Variants in ANKRD17 observed in about 807,000 individuals in gnomAD.
ANKRD17 encodes the protein ankyrin repeat domain 17.
A neutral mutation model predicts 229.7 loss-of-function variants in ANKRD17; 19 were observed. The observed-to-expected ratio is 0.08, with a 90% CI of 0.06 to 0.12. ANKRD17 has a LOEUF of 0.12. ANKRD17 is among the 10% of genes least tolerant of loss of function. ANKRD17 has a pLI of 1.00. For synonymous variants in ANKRD17, 1,112 were observed against 1,146.1 expected, an observed-to-expected ratio of 0.97 and a Z score of 0.60; for missense variants, 2,176 against 3,176.8, an observed-to-expected ratio of 0.68 and a Z score of 7.57.
At chr4:73,140,686 C>T (rs1173419257) in intron 14 of ANKRD17, among the ~76,000 whole-genome samples, 1 of 152,072 alleles carries the variant, frequency 6.6e-6, no homozygotes, top group Non-Finnish European at 1.5e-5. Context: ...GGAAACAGAC[C>T]TCTAAGTCAG....
At chr4:73,136,266 G>C (rs1216264148) in intron 15 of ANKRD17, among the ~76,000 whole-genome samples, 1 of 152,030 alleles carries the variant, frequency 6.6e-6, no homozygotes, top group African/African-American at 2.4e-5. Context: ...ACAGTACTGT[G>C]GATGTGTATT....
chr4:73,146,998 T>C, intron 9 of ANKRD17, 125 bp from the exon 10 acceptor site: 1 of 837,888 alleles, frequency 1.2e-6, no homozygotes, highest in Non-Finnish European at 1.8e-6. Context: ...ACTTCACTCA[T>C]TTCCAGAAAC....
chr4:73,106,350 G>A (rs926870954), intron 24 of ANKRD17, among the ~76,000 whole-genome samples: 3 of 152,328 alleles, frequency 2.0e-5, no homozygotes, highest in South Asian at 2.1e-4. Context: ...ACACTTGGGA[G>A]TTAGGCTTTA....
At position 73,102,504 on chromosome 4, in the gene ANKRD17, T is replaced by G; in HGVS notation, c.4445A>C (p.Glu1482Ala). ...CTTCCTTCTCTTCTCTTTTCTTTTT[T>G]CTCTTTTCGCAGCCAAAGCCAGCCT... ...SRRLALAAKR[E>A]KRKEKRRKKK... The change falls in exon 25 of 34, where the codon GAA (glutamate) becomes GCA (alanine). Residue 1482 changes from glutamate to alanine, a missense_variant. Transcript: ENST00000358602. 1 of 1,604,168 alleles carries G rather than the reference T, an allele frequency of 6.2e-7. No homozygotes were observed. The highest frequency in any genetic ancestry group is 8.5e-7 in the Non-Finnish European group (1 of 1,178,198).
chr4:73,141,222 G>T (rs1729564501), intron 14 of ANKRD17, among the ~76,000 whole-genome samples: 1 of 152,176 alleles, frequency 6.6e-6, no homozygotes, highest in Non-Finnish European at 1.5e-5. Context: ...AACACACATG[G>T]TGTAACATAC....
At chr4:73,184,174 C>T (rs750196889) in intron 1 of ANKRD17, among the ~76,000 whole-genome samples, 2 of 152,126 alleles carry the variant, frequency 1.3e-5, no homozygotes, top group African/African-American at 4.8e-5. Context: ...TACTGCCATA[C>T]TAGAGAAGAA....
chr4:73,207,345 G>T (rs1739605993), intron 1 of ANKRD17, among the ~76,000 whole-genome samples: 1 of 151,836 alleles, frequency 6.6e-6, no homozygotes, highest in South Asian at 2.1e-4. Flanking sequence ...TAAAAGGCAT[G>T]AACAAAGGGA....
At chr4:73,191,341 A>ATATATGTGTGTG (rs1553933228) in intron 1 of ANKRD17, among the ~76,000 whole-genome samples, 9 of 125,244 alleles carry the variant, frequency 7.2e-5, no homozygotes, top group Admixed American at 2.5e-4. Context: ...AAAAATATAT[A>ATATATGTGTGTG]TGTGTGTGTG....
chr4:73,225,847 G>GC (rs1225955255), intron 1 of ANKRD17, among the ~76,000 whole-genome samples: 1 of 102,660 alleles, frequency 9.7e-6, no homozygotes, highest in Non-Finnish European at 1.9e-5. Context: ...GGGCAACAGG[G>GC]CAAGACTCTG....
Position 73,086,932 on chromosome 4 carries a change from A to ATT in ANKRD17, c.6962-1487_6962-1486insAA, listed in dbSNP as rs1722240092. Among the ~76,000 whole-genome samples the ATT allele has an allele frequency of 2.8e-5, 2 of 72,684 alleles. 1 individual carries two copies. The highest frequency in any genetic ancestry group is 1.0e-3 in the East Asian group (2 of 2,006). The allele number at this position is 72,684 out of a possible 152,430, so 47.7% of individuals were successfully genotyped here. A position where few individuals can be genotyped will look rare whatever the true frequency, so the allele number is the denominator to read the frequency against. ...AAAAAAAAAAAAAATATATATATAT[A>ATT]TATATATATATATATATATATCTGT... is the stretch of plus-strand genomic sequence containing the variant. On this transcript the variant is annotated intron_variant, in intron 29 of 33. Transcript: ENST00000358602.
At chr4:73,257,231 G>T (rs576746255) in intron 1 of ANKRD17, among the ~76,000 whole-genome samples, 65 of 152,324 alleles carry the variant, frequency 4.3e-4, no homozygotes, top group African/African-American at 1.5e-3. Context: ...AGACAAGAGA[G>T]TGGTAAAACA....
At position 73,254,563 on chromosome 4, in the gene ANKRD17, T is replaced by C. The variant is rs960740453; in HGVS notation, c.393+3713A>G. On this transcript the variant is annotated intron_variant, in intron 1 of 33. Transcript: ENST00000358602. ...CCAGTGGATCACCTGAGGTCAGGAG[T>C]TCAAGACTACCCTGGCCAACATGGT... Among the ~76,000 whole-genome samples, 5 of 151,506 alleles carry C rather than the reference T, an allele frequency of 3.3e-5. No individual in the cohort carries two copies. In the South Asian group the frequency reaches 6.3e-4, roughly 19 times the overall value.
In ANKRD17 at chr4:73,103,827, G is replaced by GTT. The variant is rs148621021; in HGVS notation, c.4402-1281_4402-1280insAA. On this transcript the variant is annotated intron_variant, in intron 24 of 33. Coordinates refer to ENST00000358602, the MANE Select transcript of ANKRD17 (RefSeq NM_032217.5). Reference sequence around the variant, plus strand: ...CCTGCCTTTCAAATTAACCCTCTCCGGTTTTTTTTTTTTTTAAGCCAAATT... The same window carrying GTT: ...CCTGCCTTTCAAATTAACCCTCTCCGTTGTTTTTTTTTTTTTTAAGCCAAATT... 3.2e-3 allele frequency among the ~76,000 whole-genome samples: 478 copies of GTT among 148,844 alleles called. 7 individuals are homozygous for GTT. Among genetic ancestry groups the GTT allele is most frequent in the South Asian group, 0.027 (130 of 4,752 alleles).
chr4:73,175,657 C>T (rs1258242879), intron 2 of ANKRD17, among the ~76,000 whole-genome samples: 1 of 152,164 alleles, frequency 6.6e-6, no homozygotes, highest in Non-Finnish European at 1.5e-5. Context: ...ATCCATACAT[C>T]TACAGCCAAC....
intron 1 of ANKRD17, among the ~76,000 whole-genome samples, chr4:73,202,969 T>C (rs1462445711): frequency 1.3e-5 from 2 of 152,282 alleles, no homozygotes; most frequent in Middle Eastern, 3.4e-3. Flanking sequence ...AAAGATCAAA[T>C]AGAATTTCTA....
intron 30 of ANKRD17, among the ~76,000 whole-genome samples, chr4:73,084,976 G>C (rs1209944644): frequency 6.6e-6 from 1 of 152,060 alleles, no homozygotes; most frequent in Non-Finnish European, 1.5e-5. Context: ...CCAGGAGTTT[G>C]ACGAAACCAG....
intron 1 of ANKRD17, among the ~76,000 whole-genome samples, chr4:73,255,789 T>A (rs1195715228): frequency 6.6e-6 from 1 of 151,998 alleles, no homozygotes; most frequent in Non-Finnish European, 1.5e-5. Context: ...AATGGTGCAA[T>A]CTCAGCTCAC....
intron 1 of ANKRD17, among the ~76,000 whole-genome samples, chr4:73,238,831 G>T (rs528645259): frequency 1.6e-4 from 24 of 152,248 alleles, no homozygotes; most frequent in African/African-American, 5.5e-4. Flanking sequence ...ACTTTCATGT[G>T]AGACTACCCA....
chr4:73,258,337 G>C lies in ANKRD17; in HGVS notation c.332C>G (p.Thr111Ser). 1 of 1,613,008 alleles carries C rather than the reference G, an allele frequency of 6.2e-7. No individual in the cohort carries two copies. Among genetic ancestry groups the C allele is most frequent in the Middle Eastern group, 1.7e-4 (1 of 6,052 alleles). The change falls in exon 1 of 34, where the codon ACC (threonine) becomes AGC (serine). Residue 111 changes from threonine to serine, a missense_variant. This residue lies in a region of ANKRD17 where 196 missense variants were observed against 190.0 expected (regional missense o/e 1.03). Transcript: ENST00000358602. ...GGGGGGGGGG[T>S]SSNNSEEEED... ...TTCTTCCTCGCTGTTGTTACTGCTGGTGCCGCCGCCGCCACCTCCGCCTCC... is the reference window on the plus strand; with the variant it reads ...TTCTTCCTCGCTGTTGTTACTGCTGCTGCCGCCGCCGCCACCTCCGCCTCC...
Sources: gnomAD v4.1 joint callset for allele counts (sites outside exome capture counted in the v4.1 genomes callset) on GRCh38, gnomAD v4.1.1 for gene constraint, gnomAD v4.1.1 regional missense constraint, MANE v1.5 for transcripts, NCBI Gene and HGNC (gene_info 2026-07-23, HGNC 2026-07-21) for gene names.